The following TERF2IP variants were observed in gnomAD, a reference collection of about 807,000 sequenced individuals.
TERF2IP encodes the protein TERF2 interacting protein.
TERF2IP carries 35 observed loss-of-function variants against 33.3 expected under a neutral mutation model. That is an observed-to-expected ratio of 1.05 (90% CI 0.80 to 1.39). TERF2IP has a LOEUF of 1.39. Ranked by LOEUF, TERF2IP falls within the 40% of genes most tolerant of loss-of-function variation. TERF2IP has a pLI of 0.00. For missense variants in TERF2IP, 583 were observed against 524.8 expected (o/e 1.11, Z -1.08); for synonymous variants, 253 against 223.2 (o/e 1.13, Z -1.19).
At position 75,647,986 on chromosome 16, in the gene TERF2IP, C is replaced by G; in HGVS notation, c.104C>G (p.Pro35Arg). The G allele has an allele frequency of 6.2e-7, 1 of 1,613,618 alleles. No individual in the cohort carries two copies. The highest frequency in any genetic ancestry group is 8.5e-7 in the Non-Finnish European group (1 of 1,179,880). ...DGSSMSFYVR[P>R]SPAKRRLSTL... ...AGCTCCATGTCCTTCTACGTGCGGC[C>G]CAGCCCGGCCAAGCGTCGGCTGTCG... Residue 35 changes from proline (P) to arginine (R), a missense_variant, in exon 1 of 3, where the codon CCC becomes CGC. Transcript: ENST00000300086.
chr16:75,651,132 A>G (rs555590071), intron 1 of TERF2IP, among the ~76,000 whole-genome samples: 2 of 152,248 alleles, frequency 1.3e-5, no homozygotes, highest in South Asian at 4.1e-4. Flanking sequence ...ACAAAGAAAA[A>G]GTTTTATATA....
chr16:75,654,393 T>C lies in TERF2IP; in HGVS notation c.791T>C (p.Val264Ala), dbSNP rs769013740. The change falls in exon 2 of 3, where the codon GTT (valine) becomes GCT (alanine). Residue 264 changes from valine (V) to alanine (A), a missense_variant. Val to Ala is a moderately conservative substitution (Grantham distance 64). Transcript: ENST00000300086. ...LVEATREFEE[V>A]VVDESPPDFE... ...GAAGCCACCCGGGAGTTTGAGGAGG[T>C]TGTGGTATGTTAACTAGATTTACTC... The C allele has an allele frequency of 5.0e-6, 8 of 1,612,118 alleles. No homozygotes were observed. The highest frequency in any genetic ancestry group is 1.7e-4 in the Middle Eastern group (1 of 6,046).
At position 75,656,246 on chromosome 16, in the gene TERF2IP, A is replaced by C; in HGVS notation, c.835A>C (p.Met279Leu). The change falls in exon 3 of 3, where the codon ATG becomes CTG. Residue 279 changes from methionine to leucine, a missense_variant. Coordinates refer to ENST00000300086, the MANE Select transcript of TERF2IP (RefSeq NM_018975.4). ...SPPDFEIHIT[M>L]CDDDPPTPEE... The stretch of plus-strand genomic sequence containing the variant: ...TCCTGATTTTGAAATACATATAACT[A>C]TGTGTGATGATGATCCACCCACACC... 1 of 1,613,874 alleles carries C rather than the reference A, an allele frequency of 6.2e-7. No homozygotes were observed.
chr16:75,654,787 G>A (rs1334155517), intron 2 of TERF2IP, among the ~76,000 whole-genome samples: 1 of 152,166 alleles, frequency 6.6e-6, no homozygotes, highest in African/African-American at 2.4e-5. Context: ...GGAGTGCAGT[G>A]GTGCGATCTT....
intron 1 of TERF2IP, among the ~76,000 whole-genome samples, chr16:75,649,857 A>G (rs1425734095): frequency 6.6e-6 from 1 of 152,172 alleles, no homozygotes; most frequent in Non-Finnish European, 1.5e-5. Context: ...CGAGTCTGTT[A>G]AGATGTACTT....
rs753007553 is a variant in TERF2IP, at chr16:75,647,848, G to T, written c.-35G>T. The T allele has an allele frequency of 1.3e-6, 2 of 1,596,496 alleles. No homozygotes were observed. Among genetic ancestry groups the T allele is most frequent in the South Asian group, 1.1e-5 (1 of 89,828 alleles). ...AGCTCTGTGTGCCAGGCGCTCGCGA[G>T]GGGGTAGCTCTTCTAGTAGTGCTCG... On this transcript the variant is annotated 5_prime_UTR_variant, in exon 1 of 3. In the 5' UTR this introduces an upstream ATG that the reference lacks. Transcript: ENST00000300086.
At chr16:75,648,577 C>T (rs771953831) in intron 1 of TERF2IP, 25 bp downstream of exon 1, 3 of 1,509,216 alleles carry the variant, frequency 2.0e-6, no homozygotes, top group South Asian at 2.5e-5. Flanking sequence ...CGCGGGGCCT[C>T]GCGGATATCT....
In TERF2IP at chr16:75,656,516, G is replaced by T. The variant is rs148810861; in HGVS notation, c.1105G>T (p.Asp369Tyr). 21 of 1,614,030 alleles carry T rather than the reference G, an allele frequency of 1.3e-5. No individual in the cohort carries two copies. Among genetic ancestry groups the T allele is most frequent in the Non-Finnish European group, 1.4e-5 (17 of 1,180,028 alleles). Residue 369 changes from aspartate to tyrosine, a missense_variant, in exon 3 of 3, where the codon GAT (aspartate) becomes TAT (tyrosine). Coordinates refer to ENST00000300086, the MANE Select transcript of TERF2IP (RefSeq NM_018975.4). ...CATTTGGTCCCGACAAGATGACATAGATTTGCAAAAAGATGATGAGGATAC... is the reference window on the plus strand; with the variant it reads ...CATTTGGTCCCGACAAGATGACATATATTTGCAAAAAGATGATGAGGATAC... ...YPIWSRQDDIDLQKDDEDTRE... is the reference protein window; with the variant it reads ...YPIWSRQDDIYLQKDDEDTRE...
chr16:75,652,146 G>C (rs1028034912), intron 1 of TERF2IP, among the ~76,000 whole-genome samples: 2 of 152,272 alleles, frequency 1.3e-5, no homozygotes, highest in Admixed American at 6.5e-5. Flanking sequence ...TGAAAAGGCA[G>C]TCTCCCTATT....
At position 75,657,348 on chromosome 16, in the gene TERF2IP, T is replaced by C. The variant is rs1442860314; in HGVS notation, c.*737T>C. 6.6e-6 allele frequency: 1 copy of C among 152,238 alleles called. No homozygotes were observed. Among genetic ancestry groups the C allele is most frequent in the Non-Finnish European group, 1.5e-5 (1 of 68,040 alleles). 9.4% of individuals were successfully genotyped at this position (152,238 alleles called of 1,614,324 possible). A position where few individuals can be genotyped will look rare whatever the true frequency, so the allele number is the denominator to read the frequency against. ...ATTGAGTATTGTTTGTGCTAAGCAT[T>C]GTGTTAGATTTAAAAAATTAGTGGA... On this transcript the variant is annotated 3_prime_UTR_variant, in exon 3 of 3. Coordinates refer to ENST00000300086, the MANE Select transcript of TERF2IP (RefSeq NM_018975.4).
In TERF2IP at chr16:75,650,282, G is replaced by A. The variant is rs555577993; in HGVS notation, c.670+1730G>A. On this transcript the variant is annotated intron_variant, in intron 1 of 2. Transcript: ENST00000300086. ...GAGAAGGTCATTCTCATAAGCTGAT[G>A]TTTAAGCAGAGACCGAAGGAAGTGA... is the stretch of plus-strand genomic sequence containing the variant. Among the ~76,000 whole-genome samples, 7 of 152,294 alleles carry A rather than the reference G, an allele frequency of 4.6e-5. No individual in the cohort carries two copies. In the South Asian group the frequency reaches 1.2e-3, roughly 27 times the overall value.
intron 1 of TERF2IP, among the ~76,000 whole-genome samples, chr16:75,652,018 T>A (rs934545792): frequency 1.3e-5 from 2 of 152,216 alleles, no homozygotes; most frequent in African/African-American, 4.8e-5. Flanking sequence ...ATACAATTTC[T>A]TTGGGGGGCA....
At chr16:75,649,247 A>G (rs995549811) in intron 1 of TERF2IP, among the ~76,000 whole-genome samples, 2 of 152,244 alleles carry the variant, frequency 1.3e-5, no homozygotes, top group Non-Finnish European at 2.9e-5. Context: ...AAAAGTATAT[A>G]GAAAATTCTC....
In TERF2IP at chr16:75,648,428, C is replaced by T. The variant is rs1241279274; in HGVS notation, c.546C>T (p.Asp182=). 1 of 1,605,156 alleles carries T rather than the reference C, an allele frequency of 6.2e-7. No individual in the cohort carries two copies. The highest frequency in any genetic ancestry group is 8.5e-7 in the Non-Finnish European group (1 of 1,176,500). Residue 182 remains aspartate, a synonymous_variant, in exon 1 of 3, where the codon GAC becomes GAT. Coordinates refer to ENST00000300086, the MANE Select transcript of TERF2IP (RefSeq NM_018975.4). ...AGCACTCGTGGCAGTCCCTGAAGGA[C>T]CGCTACCTCAAGCACCTGCGGGGCC... ...LTQHSWQSLK[D]RYLKHLRGQE...
intron 1 of TERF2IP, among the ~76,000 whole-genome samples, chr16:75,651,437 C>A (rs1476440497): frequency 1.3e-5 from 2 of 152,098 alleles, no homozygotes; most frequent in African/African-American, 4.8e-5. Flanking sequence ...GCCTGTAATC[C>A]TAGCACTTTG....
At chr16:75,648,640 T>C (rs2082322514) in intron 1 of TERF2IP, 88 bp downstream of exon 1, 3 of 1,443,094 alleles carry the variant, frequency 2.1e-6, no homozygotes, top group Non-Finnish European at 2.7e-6. Flanking sequence ...CATCTTGGCA[T>C]CTTCGGTAGC....
In TERF2IP at chr16:75,648,565, A is replaced by T. The variant is rs769492849; in HGVS notation, c.670+13A>T. 13 of 1,527,668 alleles carry T rather than the reference A, an allele frequency of 8.5e-6. 1 individual carries two copies. The highest frequency in any genetic ancestry group is 4.1e-5 in the Admixed American group (2 of 48,882). The allele number at this position is 1,527,668 out of a possible 1,614,324, so 94.6% of individuals were successfully genotyped here. ...GCGGATAGCGGGGGTGAGGAGGCTG[A>T]GCGCGGGGCCTCGCGGATATCTGCG... On this transcript the variant is annotated intron_variant, in intron 1 of 2. Transcript: ENST00000300086.
chr16:75,648,284 C>T lies in TERF2IP; in HGVS notation c.402C>T (p.Ile134=). The change falls in exon 1 of 3, where the codon ATC becomes ATT. Residue 134 remains isoleucine, a synonymous_variant. Coordinates refer to ENST00000300086, the MANE Select transcript of TERF2IP (RefSeq NM_018975.4). ...EPEPQRHAGR[I]AFTDADDVAI... ...AGCCGCAGCGGCACGCCGGGCGGAT[C>T]GCCTTCACGGATGCGGACGACGTAG... 8 of 1,550,930 alleles carry T rather than the reference C, an allele frequency of 5.2e-6. No individual in the cohort carries two copies. Among genetic ancestry groups the T allele is most frequent in the Non-Finnish European group, 7.0e-6 (8 of 1,146,772 alleles).
rs1165609183 is a variant in TERF2IP, at chr16:75,656,559, A to G, written c.1148A>G (p.Lys383Arg). Residue 383 changes from lysine to arginine, a missense_variant, in exon 3 of 3, where the codon AAA (lysine) becomes AGA (arginine). Coordinates refer to ENST00000300086, the MANE Select transcript of TERF2IP (RefSeq NM_018975.4). ...DDEDTREALV[K>R]KFGAQNVARR... ...GAGGATACCAGAGAGGCATTGGTCAAAAAATTTGGTGCTCAGAATGTAGCT... is the reference window on the plus strand; with the variant it reads ...GAGGATACCAGAGAGGCATTGGTCAGAAAATTTGGTGCTCAGAATGTAGCT... 21 of 1,613,236 alleles carry G rather than the reference A, an allele frequency of 1.3e-5. No individual in the cohort carries two copies. In the African/African-American group the frequency reaches 1.6e-4, roughly 12 times the overall value.
Sources: gnomAD v4.1 joint callset for allele counts (sites outside exome capture counted in the v4.1 genomes callset) on GRCh38, gnomAD v4.1.1 for gene constraint, MANE v1.5 for transcripts, NCBI Gene and HGNC (gene_info 2026-07-23, HGNC 2026-07-21) for gene names.